DCAF6: variants seen among roughly 807,000 people sequenced by gnomAD.
DCAF6 encodes DDB1 and CUL4 associated factor 6, also known as DDB1- and CUL4-associated factor 6.
Under a neutral mutation model 125.1 loss-of-function variants are expected in DCAF6, and 54 were observed. The ratio of observed to expected loss-of-function variants is 0.43; its 90% CI spans 0.35 to 0.54. DCAF6 has a LOEUF of 0.54. DCAF6 is among the 20% of genes least tolerant of loss of function. The pLI is 0.01. For missense variants in DCAF6, 934 were observed against 1,161.7 expected, an observed-to-expected ratio of 0.80 and a Z score of 2.85; for synonymous variants, 371 against 390.4, an observed-to-expected ratio of 0.95 and a Z score of 0.58.
chr1:168,043,149 T>A lies in DCAF6; in HGVS notation c.1843+9T>A. 2 of 1,598,636 alleles carry A rather than the reference T, an allele frequency of 1.3e-6. No homozygotes were observed. Among genetic ancestry groups the A allele is most frequent in the Non-Finnish European group, 1.7e-6 (2 of 1,167,392 alleles). ...AGGAGACAGTGAAACAAGTAAGGTG[T>A]TATTTTGCTTTTGTTGTTATAAAAT... On this transcript the variant is annotated intron_variant, in intron 14 of 21. Coordinates refer to ENST00000367840, the MANE Select transcript of DCAF6 (RefSeq NM_001198956.2).
the DCAF6 span, among the ~76,000 whole-genome samples, chr1:167,869,229 C>T: frequency 6.6e-6 from 1 of 152,134 alleles, no homozygotes; most frequent in Admixed American, 6.5e-5. Flanking sequence ...TAATAGAAAC[C>T]TGCTTACTGC....
At chr1:168,000,257 A>G (rs1034748782) in intron 7 of DCAF6, among the ~76,000 whole-genome samples, 1 of 152,190 alleles carries the variant, frequency 6.6e-6, no homozygotes, top group Non-Finnish European at 1.5e-5. Context: ...TTACAATAGT[A>G]AGATCAAAGG....
At chr1:168,018,164 C>T (rs1177540305) in intron 11 of DCAF6, among the ~76,000 whole-genome samples, 1 of 152,114 alleles carries the variant, frequency 6.6e-6, no homozygotes. Flanking sequence ...AAATAATCAC[C>T]TACATTTTTA....
chr1:167,880,106 C>A, the DCAF6 span: 1 of 1,610,060 alleles, frequency 6.2e-7, no homozygotes, highest in Non-Finnish European at 8.5e-7. Flanking sequence ...ATGAGCTGAC[C>A]CAGCACACCT....
intron 21 of DCAF6, 103 bp from the exon 22 acceptor site, chr1:168,075,268 G>T: frequency 9.5e-7 from 1 of 1,057,208 alleles, no homozygotes; most frequent in South Asian, 1.6e-5. Flanking sequence ...ACATAGTGGT[G>T]AACTGATTTT....
At chr1:167,954,071 A>G (rs181719039) in intron 2 of DCAF6, among the ~76,000 whole-genome samples, 41 of 152,184 alleles carry the variant, frequency 2.7e-4, no homozygotes, top group Non-Finnish European at 4.6e-4. Flanking sequence ...GAGTGGCACA[A>G]TCTCAGCTCA....
rs1476487882 is a variant in DCAF6, at chr1:168,063,621, A to G, written c.2301A>G (p.Arg767=). 6.4e-7 allele frequency: 1 copy of G among 1,555,312 alleles called. No homozygotes were observed. Among genetic ancestry groups the G allele is most frequent in the African/African-American group, 1.4e-5 (1 of 70,802 alleles). ...TTTTTTTAATATGTAATTCATATAG[A>G]CGCTCTGCTGTTGCCCGTATTCAGG... The part of the protein sequence containing the change: ...RGTTIGDRIM[R]RSAVARIQEF... The change falls in exon 18 of 22, where the codon AGA becomes AGG. Residue 767 remains arginine (R), a splice_region_variant and synonymous_variant. Coordinates refer to ENST00000367840, the MANE Select transcript of DCAF6 (RefSeq NM_001198956.2).
chr1:168,013,760 A>T (rs1684602278), intron 10 of DCAF6, among the ~76,000 whole-genome samples: 1 of 151,612 alleles, frequency 6.6e-6, no homozygotes, highest in African/African-American at 2.4e-5. Flanking sequence ...TATTATTATT[A>T]TTTTTTGGTG....
chr1:168,002,588 T>C lies in DCAF6; in HGVS notation c.997+13T>C, dbSNP rs772862612. The stretch of plus-strand genomic sequence containing the variant: ...CGAGAACGAGATGGTAACTATACTT[T>C]GGTCAGCTTTTCTTTGTATATGGTA... On this transcript the variant is annotated intron_variant, in intron 8 of 21. Transcript: ENST00000367840. 1.2e-6 allele frequency: 2 copies of C among 1,605,252 alleles called. No homozygotes were observed. Among genetic ancestry groups the C allele is most frequent in the Non-Finnish European group, 1.7e-6 (2 of 1,173,444 alleles).
chr1:167,911,642 C>T, the DCAF6 span, among the ~76,000 whole-genome samples: 1 of 152,300 alleles, frequency 6.6e-6, no homozygotes, highest in Admixed American at 6.5e-5. Flanking sequence ...ATGACCCCGT[C>T]TCCTTTGTTC....
chr1:167,901,920 C>T, the DCAF6 span: 1 of 1,605,540 alleles, frequency 6.2e-7, no homozygotes, highest in African/African-American at 1.3e-5. Context: ...CTCCTGGCCA[C>T]TCCCTTCTCT....
At chr1:168,025,468 C>CT (rs1172580127) in intron 12 of DCAF6, among the ~76,000 whole-genome samples, 1 of 152,084 alleles carries the variant, frequency 6.6e-6, no homozygotes, top group Non-Finnish European at 1.5e-5. Context: ...AGAAGCTGCA[C>CT]CGTAGTAGAC....
intron 1 of DCAF6, among the ~76,000 whole-genome samples, chr1:167,951,195 C>A (rs1255179097): frequency 6.6e-6 from 1 of 152,152 alleles, no homozygotes; most frequent in Non-Finnish European, 1.5e-5. Context: ...AGTGAGTACT[C>A]AATAAATATT....
intron 1 of DCAF6, 88 bp downstream of exon 1, chr1:167,937,096 G>A (rs1219115828): frequency 1.6e-6 from 2 of 1,217,542 alleles, no homozygotes; most frequent in Admixed American, 2.1e-5. Flanking sequence ...GAGGTGGGAC[G>A]GCGTCTCGGT....
the DCAF6 span, among the ~76,000 whole-genome samples, chr1:167,892,964 G>T: frequency 6.6e-6 from 1 of 152,150 alleles, no homozygotes; most frequent in East Asian, 1.9e-4. Context: ...ATAAAATGAG[G>T]ATAAAAATAT....
At chr1:167,941,755 A>C (rs549530699) in intron 1 of DCAF6, among the ~76,000 whole-genome samples, 1 of 152,252 alleles carries the variant, frequency 6.6e-6, no homozygotes, top group Non-Finnish European at 1.5e-5. Context: ...TTTTTTAAAC[A>C]CTGCTGATGG....
chr1:167,974,718 T>G, intron 3 of DCAF6, 112 bp from the exon 4 acceptor site: 1 of 772,322 alleles, frequency 1.3e-6, no homozygotes, highest in East Asian at 3.1e-5. Context: ...TGATAATCTT[T>G]CACTGAGATG....
chr1:167,868,683 A>G, the DCAF6 span, among the ~76,000 whole-genome samples: 4 of 152,208 alleles, frequency 2.6e-5, no homozygotes. Context: ...CTGCCCATAC[A>G]AATAGGCGAA....
At chr1:167,897,367 C>T in the DCAF6 span, among the ~76,000 whole-genome samples, 6 of 149,974 alleles carry the variant, frequency 4.0e-5, no homozygotes, top group Non-Finnish European at 8.9e-5. Flanking sequence ...TGTAGTGGCA[C>T]ATGTCTGTGG....
Sources: gnomAD v4.1 joint callset for allele counts (sites outside exome capture counted in the v4.1 genomes callset) on GRCh38, gnomAD v4.1.1 for gene constraint, MANE v1.5 for transcripts, NCBI Gene and HGNC (gene_info 2026-07-23, HGNC 2026-07-21) for gene names.